The following RBP7 variants were observed in gnomAD, a reference collection of about 807,000 sequenced individuals.
The protein encoded by RBP7 is retinol binding protein 7, also known as retinoid-binding protein 7.
RBP7 carries 13 observed loss-of-function variants against 16.7 expected under a neutral mutation model. The ratio of observed to expected loss-of-function variants is 0.78; its 90% CI spans 0.51 to 1.24. The LOEUF (loss-of-function observed/expected upper bound fraction) is 1.24, where lower values mean the gene tolerates loss of function less well. Among genes scored for constraint, RBP7 ranks in the 50% most tolerant of loss-of-function variants. The probability of loss-of-function intolerance (pLI) is 0.00; values close to 1 mark genes in which losing one functional copy is unlikely to be tolerated. For synonymous variants in RBP7, 54 were observed against 56.2 expected, an observed-to-expected ratio of 0.96 and a Z score of 0.17; for missense variants, 145 against 159.5, an observed-to-expected ratio of 0.91 and a Z score of 0.49.
chr1:10,008,337 G>C, intron 3 of RBP7, 63 bp downstream of exon 3: 2 of 1,111,774 alleles, frequency 1.8e-6, no homozygotes, highest in Non-Finnish European at 2.7e-6. Flanking sequence ...CAGGCCAAGC[G>C]TGGTGGCTCA....
chr1:10,014,818 G>C (rs964409538), intron 3 of RBP7, among the ~76,000 whole-genome samples: 1 of 152,180 alleles, frequency 6.6e-6, no homozygotes, highest in Non-Finnish European at 1.5e-5. Flanking sequence ...TTTGTAGCTG[G>C]TCAGTCAGAA....
intron 1 of RBP7, among the ~76,000 whole-genome samples, chr1:10,005,870 G>A (rs1052342049): frequency 1.3e-5 from 2 of 151,868 alleles, no homozygotes; most frequent in Non-Finnish European, 2.9e-5. Flanking sequence ...GCAGAATCAC[G>A]TCTCATCTCT....
chr1:10,002,951 C>T (rs1196434478), intron 1 of RBP7, among the ~76,000 whole-genome samples: 3 of 152,100 alleles, frequency 2.0e-5, no homozygotes, highest in East Asian at 1.9e-4. Context: ...CTTGGGACAG[C>T]GGACCAAACT....
At chr1:10,014,299 T>A (rs1329878368) in intron 3 of RBP7, among the ~76,000 whole-genome samples, 1 of 152,136 alleles carries the variant, frequency 6.6e-6, no homozygotes, top group Non-Finnish European at 1.5e-5. Context: ...TACATTGAGG[T>A]GCTGGGAGGG....
intron 1 of RBP7, among the ~76,000 whole-genome samples, chr1:9,998,442 C>G (rs1212294649): frequency 7.7e-6 from 1 of 130,526 alleles, no homozygotes; most frequent in Non-Finnish European, 1.5e-5. Context: ...GAGTCTCGCT[C>G]TGTTGCCCAG....
chr1:10,013,577 G>T (rs899364829), intron 3 of RBP7, among the ~76,000 whole-genome samples: 15 of 152,062 alleles, frequency 9.9e-5, no homozygotes, highest in African/African-American at 3.6e-4. Context: ...GGAAGGTCGG[G>T]GCAGGTGGAT....
chr1:10,009,656 C>T (rs145946129), intron 3 of RBP7, among the ~76,000 whole-genome samples: 2,416 of 151,632 alleles, frequency 0.016, 46 homozygotes, highest in African/African-American at 0.041. Context: ...CTCAGCCTCC[C>T]GAGTAGCTGG....
chr1:10,000,114 G>A (rs1431415982), intron 1 of RBP7, among the ~76,000 whole-genome samples: 2 of 151,622 alleles, frequency 1.3e-5, no homozygotes, highest in Admixed American at 6.6e-5. Context: ...CTGTAATCCC[G>A]CTACTTGTGA....
chr1:10,013,618 G>A (rs1014488094), intron 3 of RBP7, among the ~76,000 whole-genome samples: 7 of 152,008 alleles, frequency 4.6e-5, no homozygotes, highest in Non-Finnish European at 8.8e-5. Flanking sequence ...AAACTAGCCT[G>A]GCTAACATGG....
chr1:10,009,456 C>G (rs1297092776), intron 3 of RBP7, among the ~76,000 whole-genome samples: 1 of 151,626 alleles, frequency 6.6e-6, no homozygotes, highest in Non-Finnish European at 1.5e-5. Context: ...TGAGAATGGC[C>G]ACCCAGGAAA....
Position 9,997,648 on chromosome 1 carries a change from G to A in RBP7, c.73+317G>A, listed in dbSNP as rs11121513. Among the ~76,000 whole-genome samples, 24,732 of 150,834 alleles carry A rather than the reference G, an allele frequency of 0.16. 2,789 individuals are homozygous for A. Among genetic ancestry groups the A allele is most frequent in the East Asian group, 0.31 (1,562 of 5,020 alleles). On this transcript the variant is annotated intron_variant, in intron 1 of 3. Transcript: ENST00000294435. This position sits in a 1 kb window ranked among gnomAD's most constrained non-coding sequence, Gnocchi z 5.9. ...GTCCGTCCCTGAGTGCCCGCGTCCA[G>A]CCCCACGTCCGTCTCTACCCGCACG...
intron 3 of RBP7, 79 bp downstream of exon 3, chr1:10,008,353 G>A (rs1238989380): frequency 2.3e-6 from 2 of 888,644 alleles, no homozygotes; most frequent in East Asian, 2.6e-5. Context: ...GCTCACACCT[G>A]TAATCCCAGC....
Position 10,007,604 on chromosome 1 carries a change from G to A in RBP7, c.108G>A (p.Leu36=), listed in dbSNP as rs1158944473. The A allele has an allele frequency of 2.5e-6, 4 of 1,612,954 alleles. No individual in the cohort carries two copies. Among genetic ancestry groups the A allele is most frequent in the African/African-American group, 2.7e-5 (2 of 74,930 alleles). Residue 36 remains leucine, a synonymous_variant, in exon 2 of 4, where the codon TTG becomes TTA. Transcript: ENST00000294435. ...TTGCCACTCGTAAAATAGCCAAGTT[G>A]CTGAAGCCACAGAAAGTGATTGAGC... ...IDFATRKIAK[L]LKPQKVIEQN...
chr1:9,998,614 TGGCC>T (rs1260241664), intron 1 of RBP7, among the ~76,000 whole-genome samples: 1 of 151,450 alleles, frequency 6.6e-6, no homozygotes, highest in East Asian at 2.0e-4. Flanking sequence ...TTCACCATGT[TGGCC>T]AGGCTGGTCT....
At position 10,012,952 on chromosome 1, in the gene RBP7, A is replaced by AAAT. The variant is rs1047154275; in HGVS notation, c.355-2828_355-2827insTAA. ...GTGAAACTGTCTCAAAAAAAAAAAA[A>AAAT]AAAAAAAGAGAAATACCAAATGTGT... is the stretch of plus-strand genomic sequence containing the variant. On this transcript the variant is annotated intron_variant, in intron 3 of 3. Transcript: ENST00000294435. Among the ~76,000 whole-genome samples the AAAT allele has an allele frequency of 7.8e-4, 119 of 151,796 alleles. 1 individual carries two copies. Among genetic ancestry groups the AAAT allele is most frequent in the African/African-American group, 2.7e-3 (111 of 41,410 alleles).
In RBP7 at chr1:9,997,585, C is replaced by T. The variant is rs1642196278; in HGVS notation, c.73+254C>T. On this transcript the variant is annotated intron_variant, in intron 1 of 3. Coordinates refer to ENST00000294435, the MANE Select transcript of RBP7 (RefSeq NM_052960.3). This position sits in a 1 kb window ranked among gnomAD's most constrained non-coding sequence, Gnocchi z 5.9. ...CCCCCCTGTCCCCACGGCCGTCTCTCCACGCCCTCTGTTCCCCCGGCCGTC... is the reference window on the plus strand; with the variant it reads ...CCCCCCTGTCCCCACGGCCGTCTCTTCACGCCCTCTGTTCCCCCGGCCGTC... 6.6e-6 allele frequency among the ~76,000 whole-genome samples: 1 copy of T among 150,824 alleles called. No homozygotes were observed. The highest frequency in any genetic ancestry group is 2.4e-5 in the African/African-American group (1 of 41,198).
intron 3 of RBP7, among the ~76,000 whole-genome samples, chr1:10,008,629 CG>C (rs1371827506): frequency 6.7e-6 from 1 of 149,866 alleles, no homozygotes; most frequent in Non-Finnish European, 1.5e-5. Context: ...TTAGTGGAGA[CG>C]GGGTTTCACC....
chr1:10,014,587 A>C (rs755930537), intron 3 of RBP7, among the ~76,000 whole-genome samples: 6 of 151,836 alleles, frequency 4.0e-5, no homozygotes, highest in Non-Finnish European at 7.4e-5. Flanking sequence ...GGGTTTTGCC[A>C]TGTTGGCCAG....
chr1:10,005,821 C>G (rs1642427280), intron 1 of RBP7, among the ~76,000 whole-genome samples: 1 of 152,110 alleles, frequency 6.6e-6, no homozygotes, highest in Non-Finnish European at 1.5e-5. Flanking sequence ...CCTCTGCCTC[C>G]CAAAGTGCTG....
Sources: allele counts gnomAD v4.1 joint callset (sites outside exome capture counted in the v4.1 genomes callset), GRCh38; gene constraint gnomAD v4.1.1; non-coding constraint Gnocchi (gnomAD v3.1); transcripts MANE v1.5; gene names NCBI Gene and HGNC (gene_info 2026-07-23, HGNC 2026-07-21).